Variants in E2F3 observed in about 807,000 individuals in gnomAD.
The protein encoded by E2F3 is E2F transcription factor 3.
Under a neutral mutation model 44.4 loss-of-function variants are expected in E2F3, and 11 were observed. The observed-to-expected ratio is 0.25, with a 90% CI of 0.16 to 0.41. E2F3 has a LOEUF of 0.41. Ranked by LOEUF, E2F3 falls within the 10% of genes least tolerant of loss-of-function variation. E2F3 has a pLI of 1.00. For missense variants in E2F3, 487 were observed against 583.6 expected, an observed-to-expected ratio of 0.83 and a Z score of 1.70; for synonymous variants, 249 against 253.0, an observed-to-expected ratio of 0.98 and a Z score of 0.15.
At position 20,488,295 on chromosome 6, in the gene E2F3, G is replaced by A. The variant is rs201962272; in HGVS notation, c.1135+47G>A. 12 of 1,546,296 alleles carry A rather than the reference G, an allele frequency of 7.8e-6. No individual in the cohort carries two copies. The East Asian group carries it at 2.7e-4, about 35-fold the overall frequency. ...TTTAGAAACTATGTTAAAAATGAGG[G>A]TGACTAGAACCATCTGTATTGGAAC... On this transcript the variant is annotated intron_variant, in intron 6 of 6. Transcript: ENST00000346618.
intron 1 of E2F3, among the ~76,000 whole-genome samples, chr6:20,411,994 A>G (rs896888819): frequency 2.0e-5 from 3 of 152,162 alleles, no homozygotes; most frequent in African/African-American, 7.2e-5. Context: ...GACACCTTCC[A>G]TGTGCTTGGT....
chr6:20,442,374 A>T (rs1269041865), intron 1 of E2F3, among the ~76,000 whole-genome samples: 1 of 152,154 alleles, frequency 6.6e-6, no homozygotes, highest in Non-Finnish European at 1.5e-5. Flanking sequence ...CTGCTTACCC[A>T]AAGGAGAGGC....
chr6:20,427,961 A>C, intron 1 of E2F3, among the ~76,000 whole-genome samples: 1 of 152,142 alleles, frequency 6.6e-6, no homozygotes, highest in Non-Finnish European at 1.5e-5. Context: ...ACCGCTGTTC[A>C]CCAAGGGACT....
intron 1 of E2F3, among the ~76,000 whole-genome samples, chr6:20,418,774 T>G (rs1759931456): frequency 6.6e-6 from 1 of 151,808 alleles, no homozygotes; most frequent in Non-Finnish European, 1.5e-5. Context: ...ATATGGACAC[T>G]GTCATTCACC....
At chr6:20,464,790 C>T (rs570013862) in intron 1 of E2F3, among the ~76,000 whole-genome samples, 2 of 152,284 alleles carry the variant, frequency 1.3e-5, no homozygotes, top group East Asian at 3.9e-4. Context: ...AAATATACCA[C>T]CTCTCTCTAA....
intron 1 of E2F3, among the ~76,000 whole-genome samples, chr6:20,430,734 G>A (rs1760373386): frequency 6.6e-6 from 1 of 152,156 alleles, no homozygotes; most frequent in Non-Finnish European, 1.5e-5. Flanking sequence ...TCAGAGTTGA[G>A]GGCCTGTTGC....
At chr6:20,489,737 G>A (rs773805572) in intron 6 of E2F3, among the ~76,000 whole-genome samples, 1 of 152,138 alleles carries the variant, frequency 6.6e-6, no homozygotes, top group Non-Finnish European at 1.5e-5. Context: ...CACTTTGGGA[G>A]GCCAAGGAAG....
chr6:20,483,953 A>G (rs1762311094), intron 4 of E2F3, among the ~76,000 whole-genome samples: 1 of 152,238 alleles, frequency 6.6e-6, no homozygotes, highest in African/African-American at 2.4e-5. Flanking sequence ...CCTGTTGACC[A>G]AAGAATTAAC....
At chr6:20,421,711 C>T (rs1037982038) in intron 1 of E2F3, 1 of 152,262 alleles carries the variant, frequency 6.6e-6, no homozygotes, top group African/African-American at 2.4e-5. Context: ...TGGTTCACCC[C>T]TCCTTAGGCA....
intron 1 of E2F3, among the ~76,000 whole-genome samples, chr6:20,405,418 C>T (rs547622451): frequency 1.3e-5 from 2 of 148,842 alleles, no homozygotes; most frequent in African/African-American, 5.0e-5. Context: ...ACGATCTCGG[C>T]TCACTGCAAC....
At chr6:20,431,601 G>A (rs1444212374) in intron 1 of E2F3, among the ~76,000 whole-genome samples, 1 of 151,990 alleles carries the variant, frequency 6.6e-6, no homozygotes, top group East Asian at 1.9e-4. Context: ...GTTCCAGGGG[G>A]CATTCTGGAT....
At chr6:20,465,975 G>T (rs1157975098) in intron 1 of E2F3, among the ~76,000 whole-genome samples, 1 of 152,146 alleles carries the variant, frequency 6.6e-6, no homozygotes, top group South Asian at 2.1e-4. Context: ...TAGTGGGATT[G>T]CTGGATCAAG....
At chr6:20,466,764 T>C (rs9358336) in intron 1 of E2F3, among the ~76,000 whole-genome samples, 120,190 of 150,818 alleles carry the variant, frequency 0.8, 48,218 homozygotes, top group African/African-American at 0.87. Flanking sequence ...CTCACTGCAA[T>C]CTCCGCCTGC....
At chr6:20,470,618 T>G (rs1761857695) in intron 1 of E2F3, among the ~76,000 whole-genome samples, 1 of 152,256 alleles carries the variant, frequency 6.6e-6, no homozygotes, top group Admixed American at 6.5e-5. Flanking sequence ...ATTTTCCTTC[T>G]TCCTTTGTTC....
rs747753211 is a variant in E2F3 at position 20,481,155 on chromosome 6, C to A, written c.506-51C>A. 4 of 1,561,616 alleles carry A rather than the reference C, an allele frequency of 2.6e-6. No homozygotes were observed. The South Asian group carries it at 3.4e-5, about 13-fold the overall frequency. On this transcript the variant is annotated intron_variant, in intron 2 of 6. Coordinates refer to ENST00000346618, the MANE Select transcript of E2F3 (RefSeq NM_001949.5). ...TTGACTGCAAAGACACCCTTCATTT[C>A]TTTACCTTTCCCCCTATCCCCCACC...
chr6:20,463,460 G>A (rs766195210), intron 1 of E2F3, among the ~76,000 whole-genome samples: 4 of 152,068 alleles, frequency 2.6e-5, no homozygotes, highest in African/African-American at 9.7e-5. Flanking sequence ...TAATTCCTTC[G>A]CCTAGATCTG....
At chr6:20,436,575 G>A (rs184202060) in intron 1 of E2F3, among the ~76,000 whole-genome samples, 5 of 152,290 alleles carry the variant, frequency 3.3e-5, no homozygotes, top group Admixed American at 6.5e-5. Flanking sequence ...CATGCGGCCC[G>A]TGGGCCGGAG....
At chr6:20,415,421 A>G (rs1049940034) in intron 1 of E2F3, among the ~76,000 whole-genome samples, 1 of 152,186 alleles carries the variant, frequency 6.6e-6, no homozygotes, top group African/African-American at 2.4e-5. Flanking sequence ...TGGGCAGTTA[A>G]CAGTGGTGGA....
chr6:20,451,704 G>A (rs1205122859), intron 1 of E2F3, among the ~76,000 whole-genome samples: 4 of 152,238 alleles, frequency 2.6e-5, no homozygotes, highest in African/African-American at 4.8e-5. Context: ...ATTTGTCATC[G>A]ATGGCTCTTA....
Sources: allele counts gnomAD v4.1 joint callset (sites outside exome capture counted in the v4.1 genomes callset), GRCh38; gene constraint gnomAD v4.1.1; transcripts MANE v1.5; gene names NCBI Gene and HGNC (gene_info 2026-07-23, HGNC 2026-07-21).